Variants in DCLK1 observed in about 807,000 individuals in gnomAD.
DCLK1 encodes the protein serine/threonine-protein kinase DCLK1.
In DCLK1, 16 loss-of-function variants were observed where a neutral mutation model predicts 86.2. The ratio of observed to expected loss-of-function variants is 0.19; its 90% CI spans 0.13 to 0.28. The LOEUF (loss-of-function observed/expected upper bound fraction) is 0.28. Ranked by LOEUF, DCLK1 falls within the 10% of genes least tolerant of loss-of-function variation. The pLI is 1.00. For synonymous variants in DCLK1, 369 were observed against 370.5 expected, an observed-to-expected ratio of 1.00 and a Z score of 0.05; for missense variants, 590 against 940.2, an observed-to-expected ratio of 0.63 and a Z score of 4.87.
intron 4 of DCLK1, among the ~76,000 whole-genome samples, chr13:35,923,237 T>C (rs1375327855): frequency 6.6e-6 from 1 of 152,114 alleles, no homozygotes; most frequent in Non-Finnish European, 1.5e-5. Flanking sequence ...ATGGGGACTT[T>C]AGAGACGGGG....
intron 16 of DCLK1, chr13:35,788,064 T>C: frequency 1.3e-6 from 1 of 770,746 alleles, no homozygotes; most frequent in Non-Finnish European, 2.3e-6. Flanking sequence ...GTGTGGCATC[T>C]CAATCAAGAT....
chr13:35,891,211 T>C (rs1222897064), intron 4 of DCLK1, among the ~76,000 whole-genome samples: 2 of 152,134 alleles, frequency 1.3e-5, no homozygotes, highest in African/African-American at 4.8e-5. Flanking sequence ...GTAGACTGTA[T>C]AGTGAAGTCT....
intron 3 of DCLK1, among the ~76,000 whole-genome samples, chr13:36,035,934 C>A (rs1021306258): frequency 6.6e-6 from 1 of 152,082 alleles, no homozygotes; most frequent in East Asian, 1.9e-4. Flanking sequence ...ATAAAGATAA[C>A]AACATTATCC....
chr13:35,949,662 G>A (rs1244644531), intron 3 of DCLK1, among the ~76,000 whole-genome samples: 1 of 152,272 alleles, frequency 6.6e-6, no homozygotes, highest in African/African-American at 2.4e-5. Context: ...ACTCATCGGT[G>A]TGTGCATATT....
chr13:35,790,560 C>A (rs1373258737), intron 16 of DCLK1, among the ~76,000 whole-genome samples: 1 of 152,070 alleles, frequency 6.6e-6, no homozygotes, highest in Non-Finnish European at 1.5e-5. Flanking sequence ...TATTTTATAG[C>A]CTCTGGGGAG....
At chr13:35,947,560 G>A in intron 3 of DCLK1, 103 bp from the exon 4 acceptor site, 1 of 809,780 alleles carries the variant, frequency 1.2e-6, no homozygotes. Flanking sequence ...CCCACCTAAT[G>A]GAATCAACAG....
intron 3 of DCLK1, among the ~76,000 whole-genome samples, chr13:35,980,621 C>A (rs898075328): frequency 6.6e-6 from 1 of 152,046 alleles, no homozygotes; most frequent in Non-Finnish European, 1.5e-5. Flanking sequence ...CACCAGAGAC[C>A]AGTTTCTTGG....
At chr13:35,982,409 GGA>G (rs1165995449) in intron 3 of DCLK1, among the ~76,000 whole-genome samples, 1 of 74,284 alleles carries the variant, frequency 1.3e-5, no homozygotes, top group African/African-American at 5.0e-5. Context: ...GAAAAGAAAG[GGA>G]GAGAGAGAGA....
chr13:36,071,069 A>G (rs1050029860), intron 3 of DCLK1, among the ~76,000 whole-genome samples: 2 of 152,170 alleles, frequency 1.3e-5, no homozygotes, highest in African/African-American at 4.8e-5. Context: ...ATTTTTTTAT[A>G]TAATTGCATA....
At chr13:35,956,627 A>T (rs1425813283) in intron 3 of DCLK1, among the ~76,000 whole-genome samples, 1 of 152,310 alleles carries the variant, frequency 6.6e-6, no homozygotes, top group Non-Finnish European at 1.5e-5. Context: ...CTCATCACCA[A>T]TGCCAAGAGG....
chr13:36,039,480 G>A (rs893813367), intron 3 of DCLK1, among the ~76,000 whole-genome samples: 2 of 152,094 alleles, frequency 1.3e-5, no homozygotes, highest in Non-Finnish European at 2.9e-5. Flanking sequence ...TGCGAACATC[G>A]GTGATTTTTT....
chr13:35,795,988 G>A (rs1325120534), intron 15 of DCLK1, among the ~76,000 whole-genome samples: 7 of 150,650 alleles, frequency 4.6e-5, no homozygotes, highest in Admixed American at 2.6e-4. Flanking sequence ...GAAACAAAAG[G>A]CCCCTGGAAT....
At chr13:35,995,269 G>C (rs1880418806) in intron 3 of DCLK1, among the ~76,000 whole-genome samples, 1 of 152,112 alleles carries the variant, frequency 6.6e-6, no homozygotes, top group Non-Finnish European at 1.5e-5. Context: ...CCAAATGCCT[G>C]TGTCTACAAG....
chr13:35,900,775 C>T (rs1306241989), intron 4 of DCLK1, among the ~76,000 whole-genome samples: 1 of 152,146 alleles, frequency 6.6e-6, no homozygotes, highest in African/African-American at 2.4e-5. Flanking sequence ...AAAATGTCTC[C>T]ACACACTGCC....
intron 8 of DCLK1, among the ~76,000 whole-genome samples, chr13:35,831,487 C>A (rs1393340921): frequency 6.6e-6 from 1 of 152,158 alleles, no homozygotes; most frequent in Admixed American, 6.5e-5. Flanking sequence ...TTCCTGCATA[C>A]CTCGAACTCT....
intron 4 of DCLK1, among the ~76,000 whole-genome samples, chr13:35,878,049 T>C (rs1593691060): frequency 6.6e-6 from 1 of 152,130 alleles, no homozygotes; most frequent in East Asian, 1.9e-4. Context: ...TCTCTCCTCC[T>C]GTCTCCATTC....
At chr13:35,837,575 T>G (rs747323225) in intron 7 of DCLK1, among the ~76,000 whole-genome samples, 1 of 152,110 alleles carries the variant, frequency 6.6e-6, no homozygotes, top group Non-Finnish European at 1.5e-5. Context: ...CTTAAGGCTC[T>G]TTACTATGTG....
At chr13:36,099,491 G>C (rs1885123445) in intron 3 of DCLK1, among the ~76,000 whole-genome samples, 1 of 152,090 alleles carries the variant, frequency 6.6e-6, no homozygotes, top group Non-Finnish European at 1.5e-5. Context: ...GAAACTTGCA[G>C]TGAGTCTGAA....
At chr13:36,052,931 G>A (rs183564422) in intron 3 of DCLK1, among the ~76,000 whole-genome samples, 10 of 152,244 alleles carry the variant, frequency 6.6e-5, no homozygotes, top group Admixed American at 1.3e-4. Flanking sequence ...CTCAGCCTGA[G>A]TCCTATGACT....
Sources: allele counts gnomAD v4.1 joint callset (sites outside exome capture counted in the v4.1 genomes callset), GRCh38; gene constraint gnomAD v4.1.1; transcripts MANE v1.5; gene names NCBI Gene and HGNC (gene_info 2026-07-23, HGNC 2026-07-21).